PHLDB2: variants seen among roughly 807,000 people sequenced by gnomAD.
PHLDB2 encodes pleckstrin homology like domain family B member 2.
In PHLDB2, 71 loss-of-function variants were observed where a neutral mutation model predicts 123.6. The observed-to-expected ratio is 0.57, with a 90% confidence interval of 0.47 to 0.70. The LOEUF (loss-of-function observed/expected upper bound fraction) is 0.70, where lower values mean the gene tolerates loss of function less well. Among genes scored for constraint, PHLDB2 ranks in the 30% least tolerant of loss-of-function variants. The probability of loss-of-function intolerance (pLI) is 0.00; values close to 1 mark genes in which losing one functional copy is unlikely to be tolerated. For synonymous variants in PHLDB2, 547 were observed against 541.6 expected, an observed-to-expected ratio of 1.01 and a Z score of -0.14; for missense variants, 1,446 against 1,519.5, an observed-to-expected ratio of 0.95 and a Z score of 0.80.
chr3:111,829,458 C>T (rs897766372), intron 1 of PHLDB2, among the ~76,000 whole-genome samples: 22 of 115,082 alleles, frequency 1.9e-4, no homozygotes, highest in South Asian at 5.7e-4. Flanking sequence ...TTTTCTTTTT[C>T]TTTTTTTTTG....
At chr3:111,869,664 T>G (rs2065248013) in intron 1 of PHLDB2, among the ~76,000 whole-genome samples, 2 of 151,864 alleles carry the variant, frequency 1.3e-5, no homozygotes, top group Non-Finnish European at 2.9e-5. Context: ...TTTGTGTGTT[T>G]TAGACCACTG....
intron 9 of PHLDB2, among the ~76,000 whole-genome samples, chr3:111,948,043 A>G (rs1376285734): frequency 6.6e-6 from 1 of 152,184 alleles, no homozygotes; most frequent in African/African-American, 2.4e-5. Flanking sequence ...TTCCATGAAA[A>G]TTGACAAGTG....
rs182230845 is a variant in PHLDB2 at position 111,976,145 on chromosome 3, T to C, written c.*1582T>C. 10 of 152,740 alleles carry C rather than the reference T, an allele frequency of 6.5e-5. No homozygotes were observed. Among genetic ancestry groups the C allele is most frequent in the Non-Finnish European group, 1.3e-4 (9 of 68,036 alleles). 9.5% of individuals were successfully genotyped at this position (152,740 alleles called of 1,614,324 possible). On this transcript the variant is annotated 3_prime_UTR_variant, in exon 18 of 18. Coordinates refer to ENST00000431670, the MANE Select transcript of PHLDB2 (RefSeq NM_001134438.2). ...GATATGACTTTTCTGCACTGTACTC[T>C]CTTCATAGGATTGTAAAGGTGTTCT...
chr3:111,884,460 T>G lies in PHLDB2; in HGVS notation c.383T>G (p.Phe128Cys). 6.2e-7 allele frequency: 1 copy of G among 1,614,182 alleles called. No homozygotes were observed. The highest frequency in any genetic ancestry group is 8.5e-7 in the Non-Finnish European group (1 of 1,180,032). ...LSGYPLGRAD[F>C]DHYTGRDSER... is the part of the protein sequence containing the mutation. ...GGATATCCACTTGGAAGAGCAGACT[T>G]TGATCATTATACTGGCCGGGACAGT... Residue 128 changes from phenylalanine to cysteine, a missense_variant, in exon 2 of 18, where the codon TTT (phenylalanine) becomes TGT (cysteine). Transcript: ENST00000431670.
chr3:111,774,869 G>A (rs1268056762), intron 1 of PHLDB2, among the ~76,000 whole-genome samples: 1 of 152,102 alleles, frequency 6.6e-6, no homozygotes, highest in Non-Finnish European at 1.5e-5. Context: ...CCTCTGTGCT[G>A]TTGAGAAACC....
rs949351161 is a variant in PHLDB2, at chr3:111,780,363, A to G, written c.-49+47660A>G. ...AAGAAGAAGAAGAAGAAGAAGAAGA[A>G]GAAGAAGAAGAAGAAGAAGAAGAAG... On this transcript the variant is annotated intron_variant, in intron 1 of 17. Transcript: ENST00000393923. Among the ~76,000 whole-genome samples, 267 of 34,038 alleles carry G rather than the reference A, an allele frequency of 7.8e-3. 10 individuals are homozygous for G. The highest frequency in any genetic ancestry group is 0.019 in the Middle Eastern group (1 of 52). The allele number at this position is 34,038 out of a possible 152,430, so 22.3% of individuals were successfully genotyped here.
At chr3:111,847,389 TA>T (rs779417421) in intron 2 of PHLDB2, among the ~76,000 whole-genome samples, 2 of 152,070 alleles carry the variant, frequency 1.3e-5, no homozygotes, top group Non-Finnish European at 2.9e-5. Flanking sequence ...TGCAGGAGAT[TA>T]GGGGAAAAAA....
At chr3:111,866,013 CA>C (rs1576933924) in intron 1 of PHLDB2, among the ~76,000 whole-genome samples, 1 of 47,682 alleles carries the variant, frequency 2.1e-5, no homozygotes, top group Non-Finnish European at 4.3e-5. Context: ...CCCACCCACT[CA>C]TTTTTTTTTT....
intron 16 of PHLDB2, among the ~76,000 whole-genome samples, chr3:111,971,615 C>A (rs2072189123): frequency 6.6e-6 from 1 of 152,156 alleles, no homozygotes; most frequent in Admixed American, 6.5e-5. Context: ...ACGGCCATCA[C>A]CTATCAGCTT....
intron 10 of PHLDB2, among the ~76,000 whole-genome samples, chr3:111,950,916 G>T (rs2070674321): frequency 6.6e-6 from 1 of 152,196 alleles, no homozygotes; most frequent in African/African-American, 2.4e-5. Flanking sequence ...CAATTTTGAT[G>T]TTAGGTTTAT....
At chr3:111,939,730 A>G in intron 7 of PHLDB2, 100 bp downstream of exon 7, 1 of 1,235,232 alleles carries the variant, frequency 8.1e-7, no homozygotes, top group South Asian at 1.5e-5. Context: ...TTGACAGATT[A>G]CGTAGTCTGC....
intron 2 of PHLDB2, among the ~76,000 whole-genome samples, chr3:111,887,764 A>G (rs1202894720): frequency 1.3e-5 from 2 of 152,164 alleles, no homozygotes; most frequent in African/African-American, 4.8e-5. Context: ...ATTTGGTTTC[A>G]TGAAGTCATC....
chr3:111,940,768 A>T (rs1339729465), intron 8 of PHLDB2, 123 bp downstream of exon 8: 1 of 429,760 alleles, frequency 2.3e-6, no homozygotes, highest in Non-Finnish European at 4.2e-6. Flanking sequence ...GAAGATTTTT[A>T]TATACTTTTT....
intron 1 of PHLDB2, among the ~76,000 whole-genome samples, chr3:111,865,834 T>C (rs1473116781): frequency 1.3e-5 from 2 of 152,028 alleles, no homozygotes; most frequent in Non-Finnish European, 2.9e-5. Context: ...TCTTGACTTG[T>C]TCAAGTTATT....
upstream of PHLDB2, among the ~76,000 whole-genome samples, chr3:111,855,629 CTTTTTTTTTTTTTT>C (rs11368889): frequency 1.3e-5 from 1 of 79,850 alleles, no homozygotes; most frequent in South Asian, 4.4e-4. Flanking sequence ...CTGCATTTGT[CTTTTTTTTTTTTTT>C]TTTTTTTTTT....
intron 5 of PHLDB2, among the ~76,000 whole-genome samples, chr3:111,924,250 T>C (rs905847202): frequency 2.0e-5 from 3 of 152,352 alleles, no homozygotes; most frequent in African/African-American, 7.2e-5. Context: ...GTTGTTCTTT[T>C]TACAGATAAA....
intron 1 of PHLDB2, chr3:111,779,868 G>T (rs2060338253): frequency 2.0e-6 from 2 of 984,230 alleles, no homozygotes; most frequent in South Asian, 9.4e-5. Context: ...AATACTTAGG[G>T]TAAGTAGTCA....
At chr3:111,926,765 T>G (rs532163237) in intron 5 of PHLDB2, among the ~76,000 whole-genome samples, 2 of 152,308 alleles carry the variant, frequency 1.3e-5, no homozygotes, top group African/African-American at 4.8e-5. Context: ...TCCTCTGCAG[T>G]TCCAAAATCT....
chr3:111,859,770 A>T (rs1175688218), intron 1 of PHLDB2, 194 bp downstream of exon 1: 2 of 983,022 alleles, frequency 2.0e-6, no homozygotes, highest in African/African-American at 1.8e-5. Context: ...ACCGCGAGTC[A>T]GGAGGGGCCG....
Sources: gnomAD v4.1 joint callset for allele counts (sites outside exome capture counted in the v4.1 genomes callset) on GRCh38, gnomAD v4.1.1 for gene constraint, MANE v1.5 for transcripts, NCBI Gene and HGNC (gene_info 2026-07-23, HGNC 2026-07-21) for gene names.